The following FAM110C variants were observed in gnomAD, a reference collection of about 807,000 sequenced individuals.
FAM110C encodes the protein family with sequence similarity 110 member C, also known as protein FAM110C.
Under a neutral mutation model 15.7 loss-of-function variants are expected in FAM110C, and 19 were observed. The observed-to-expected ratio is 1.21, with a 90% CI of 0.85 to 1.78. The LOEUF is 1.78. FAM110C is among the 40% of genes most tolerant of loss of function. The pLI is 0.00. For missense variants in FAM110C, 547 were observed against 495.7 expected (o/e 1.10, Z -0.98); for synonymous variants, 275 against 233.9 (o/e 1.18, Z -1.61).
intron 1 of FAM110C, chr2:44,246 G>A: frequency 3.0e-6 from 3 of 985,042 alleles, no homozygotes; most frequent in Non-Finnish European, 2.4e-6. Context: ...TAAATTATAA[G>A]GAAGAACTTA....
At chr2:43,646 G>C in intron 1 of FAM110C, 1 of 985,374 alleles carries the variant, frequency 1.0e-6, no homozygotes, top group Non-Finnish European at 1.2e-6. Flanking sequence ...GCCTGGGTCT[G>C]GAGGGATCAG....
chr2:45,103 C>G (rs1008180663), intron 1 of FAM110C: 2 of 985,442 alleles, frequency 2.0e-6, no homozygotes, highest in Non-Finnish European at 2.4e-6. Context: ...GGGTGTAAAA[C>G]TGCTTTCTGG....
chr2:44,700 A>G (rs1434126460), intron 1 of FAM110C: 4 of 985,310 alleles, frequency 4.1e-6, no homozygotes, highest in Non-Finnish European at 3.6e-6. Context: ...TCAATCCGGC[A>G]CTACTGGTTG....
rs1664307302 is a variant in FAM110C at position 46,264 on chromosome 2, GC to G, written c.121del (p.Ala41ArgfsTer55). ...PARRSAVERL[A>X]ADRAKYVRGR... ...CCGCACATACTTGGCGCGATCCGCC[GC>G]CAGCCTCTCCACTGCGCTCCTGCGC... is the stretch of plus-strand genomic sequence containing the variant. On this transcript the variant is annotated frameshift_variant, in exon 1 of 2. Transcript: ENST00000327669. LOFTEE classifies it high-confidence loss of function. 7.1e-7 allele frequency: 1 copy of G among 1,409,806 alleles called. No individual in the cohort carries two copies. Among genetic ancestry groups the G allele is most frequent in the Non-Finnish European group, 9.2e-7 (1 of 1,085,488 alleles). The allele number at this position is 1,409,806 out of a possible 1,614,324, so 87.3% of individuals were successfully genotyped here. A position where few individuals can be genotyped will look rare whatever the true frequency, so the allele number is the denominator to read the frequency against.
At position 45,521 on chromosome 2, in the gene FAM110C, T is replaced by A; in HGVS notation, c.865A>T (p.Arg289Trp). ...QVPSTTSVIE[R>W]NARIIKWLYT... ...AGCCACTTGATGATGCGGGCGTTCCTCTCGATGACCGAAGTGGTGCTGGGC... is the reference window on the plus strand; with the variant it reads ...AGCCACTTGATGATGCGGGCGTTCCACTCGATGACCGAAGTGGTGCTGGGC... Residue 289 changes from arginine (R) to tryptophan (W), a missense_variant, in exon 1 of 2, where the codon AGG (arginine) becomes TGG (tryptophan). Transcript: ENST00000327669. 6.2e-7 allele frequency: 1 copy of A among 1,614,136 alleles called. No individual in the cohort carries two copies. Among genetic ancestry groups the A allele is most frequent in the South Asian group, 1.1e-5 (1 of 91,080 alleles).
rs1558181936 is a variant in FAM110C at position 45,488 on chromosome 2, A to C, written c.898T>G (p.Cys300Gly). Reference sequence around the variant, plus strand: ...CTGGGGGTCTCCTTGGCCTTCTTACAGGTGTACAGCCACTTGATGATGCGG... The same window carrying C: ...CTGGGGGTCTCCTTGGCCTTCTTACCGGTGTACAGCCACTTGATGATGCGG... ...NARIIKWLYT[C>G]KKAKETPSQE... Residue 300 changes from cysteine (C) to glycine (G), a missense_variant, in exon 1 of 2, where the codon TGT becomes GGT. Physicochemically the swap from Cys to Gly is radical, Grantham distance 159. Coordinates refer to ENST00000327669, the MANE Select transcript of FAM110C (RefSeq NM_001077710.3). 6.2e-7 allele frequency: 1 copy of C among 1,613,992 alleles called. No individual in the cohort carries two copies. The highest frequency in any genetic ancestry group is 8.5e-7 in the Non-Finnish European group (1 of 1,179,944).
intron 1 of FAM110C, chr2:44,120 T>C: frequency 5.1e-6 from 5 of 985,450 alleles, no homozygotes; most frequent in Non-Finnish European, 6.0e-6. Flanking sequence ...CATTCATTCA[T>C]CTCAGATCCA....
chr2:45,820 G>A lies in FAM110C; in HGVS notation c.566C>T (p.Pro189Leu), dbSNP rs577281919. ...SVPAAPPGPE[P>L]RVVRRRGLQR... The stretch of plus-strand genomic sequence containing the variant: ...CAGCCCCCGACGCCTCACCACCCGC[G>A]GCTCTGGCCCAGGGGGCGCGGCCGG... Residue 189 changes from proline (P) to leucine (L), a missense_variant, in exon 1 of 2, where the codon CCG becomes CTG. Coordinates refer to ENST00000327669, the MANE Select transcript of FAM110C (RefSeq NM_001077710.3). 61 of 1,544,998 alleles carry A rather than the reference G, an allele frequency of 3.9e-5. No individual in the cohort carries two copies. In the Middle Eastern group the frequency reaches 2.4e-3, roughly 60 times the overall value.
chr2:43,916 C>T (rs909178624), intron 1 of FAM110C: 3 of 985,304 alleles, frequency 3.0e-6, no homozygotes, highest in African/African-American at 1.7e-5. Context: ...AGGTTGAAAA[C>T]CATCCGCCTA....
rs915009664 is a variant in FAM110C, at chr2:43,057, G to A, written c.947-1430C>T. ...CACCAGTGCTGGGAGGTGGGGAGCT[G>A]TGAAGGGGCTAAGGTCATGAGCAGA... On this transcript the variant is annotated intron_variant, in intron 1 of 1. Transcript: ENST00000327669. The A allele has an allele frequency of 1.6e-5, 16 of 985,412 alleles. No individual in the cohort carries two copies. In the African/African-American group the frequency reaches 2.4e-4, roughly 15 times the overall value. 61.0% of individuals were successfully genotyped at this position (985,412 alleles called of 1,614,324 possible). A position where few individuals can be genotyped will look rare whatever the true frequency, so the allele number is the denominator to read the frequency against.
At chr2:44,848 T>A in intron 1 of FAM110C, 1 of 985,408 alleles carries the variant, frequency 1.0e-6, no homozygotes, top group Non-Finnish European at 1.2e-6. Context: ...CAAATAAAGA[T>A]CTTTGTTGCT....
rs1045429060 is a variant in FAM110C, at chr2:39,125, C to T, written c.*2483G>A. 3.3e-5 allele frequency: 5 copies of T among 152,304 alleles called. No individual in the cohort carries two copies. The highest frequency in any genetic ancestry group is 7.2e-5 in the African/African-American group (3 of 41,572). 9.4% of individuals were successfully genotyped at this position (152,304 alleles called of 1,614,324 possible). ...TGAACAAATAAAAGTACCTTGCAGC[C>T]GTCACTATTGCCCATTCTTGTGGGA... On this transcript the variant is annotated 3_prime_UTR_variant, in exon 2 of 2. Transcript: ENST00000327669.
chr2:39,868 C>T lies in FAM110C; in HGVS notation c.*1740G>A, dbSNP rs867896632. The T allele has an allele frequency of 6.6e-6, 1 of 152,220 alleles. No individual in the cohort carries two copies. The highest frequency in any genetic ancestry group is 1.5e-5 in the Non-Finnish European group (1 of 68,036). 9.4% of individuals were successfully genotyped at this position (152,220 alleles called of 1,614,324 possible). ...GTATATGAAAAGATCCTTTAAAAAA[C>T]TGCTCTCATCTTTCACATTATCTTC... On this transcript the variant is annotated 3_prime_UTR_variant, in exon 2 of 2. Coordinates refer to ENST00000327669, the MANE Select transcript of FAM110C (RefSeq NM_001077710.3).
intron 1 of FAM110C, chr2:44,300 C>T: frequency 2.0e-6 from 2 of 985,154 alleles, no homozygotes; most frequent in Non-Finnish European, 2.4e-6. Flanking sequence ...GAATTATCTT[C>T]TTCTCATTAA....
chr2:44,852 T>C (rs1018078470), intron 1 of FAM110C: 1 of 985,246 alleles, frequency 1.0e-6, no homozygotes, highest in African/African-American at 1.7e-5. Context: ...TAAAGATCTT[T>C]GTTGCTAAGT....
intron 1 of FAM110C, chr2:44,296 T>C (rs1336289617): frequency 4.1e-6 from 4 of 985,170 alleles, no homozygotes; most frequent in Admixed American, 1.2e-4. Flanking sequence ...GAATGAATTA[T>C]CTTCTTCTCA....
Position 46,065 on chromosome 2 carries a change from G to T in FAM110C, c.321C>A (p.Cys107Ter), listed in dbSNP as rs756767817. 140 of 1,526,868 alleles carry T rather than the reference G, an allele frequency of 9.2e-5. 1 individual carries two copies. Among genetic ancestry groups the T allele is most frequent in the Middle Eastern group, 1.7e-4 (1 of 5,832 alleles). 94.6% of individuals were successfully genotyped at this position (1,526,868 alleles called of 1,614,324 possible). ...PDSLIIYRQK[C>*]EFVRGSGADG... ...CGGCGCCCGATCCTCGCACGAATTC[G>T]CATTTCTGCCGGTAGATGATCAGCG... The change falls in exon 1 of 2, where the codon TGC becomes TGA. Residue 107 changes from cysteine to a stop codon, truncating the protein, a stop_gained. Coordinates refer to ENST00000327669, the MANE Select transcript of FAM110C (RefSeq NM_001077710.3). LOFTEE classifies it high-confidence loss of function.
At position 40,512 on chromosome 2, in the gene FAM110C, G is replaced by T. The variant is rs148613587; in HGVS notation, c.*1096C>A. ...CTGAATCTGAATCTATTCACTCTGGGTGTCATAAGCAAGTTCAGAATTAGG... is the reference window on the plus strand; with the variant it reads ...CTGAATCTGAATCTATTCACTCTGGTTGTCATAAGCAAGTTCAGAATTAGG... On this transcript the variant is annotated 3_prime_UTR_variant, in exon 2 of 2. Transcript: ENST00000327669. 2 of 152,122 alleles carry T rather than the reference G, an allele frequency of 1.3e-5. No individual in the cohort carries two copies. Among genetic ancestry groups the T allele is most frequent in the Non-Finnish European group, 2.9e-5 (2 of 68,042 alleles). The allele number at this position is 152,122 out of a possible 1,614,324, so 9.4% of individuals were successfully genotyped here. A position where few individuals can be genotyped will look rare whatever the true frequency, so the allele number is the denominator to read the frequency against.
chr2:44,467 AAT>A, intron 1 of FAM110C: 1 of 985,440 alleles, frequency 1.0e-6, no homozygotes, highest in South Asian at 4.7e-5. Flanking sequence ...AATGGCAGAA[AAT>A]AATTTCATCT....
Sources: allele counts gnomAD v4.1 joint callset, GRCh38; gene constraint gnomAD v4.1.1; transcripts MANE v1.5; gene names NCBI Gene and HGNC (gene_info 2026-07-23, HGNC 2026-07-21).